NSD3: variants seen among roughly 807,000 people sequenced by gnomAD.
NSD3 encodes the protein nuclear receptor binding SET domain protein 3.
A neutral mutation model predicts 160.8 loss-of-function variants in NSD3; 24 were observed. The ratio of observed to expected loss-of-function variants is 0.15; its 90% CI spans 0.11 to 0.21. The LOEUF (loss-of-function observed/expected upper bound fraction) is 0.21. Ranked by LOEUF, NSD3 falls within the 10% of genes least tolerant of loss-of-function variation. NSD3 has a pLI of 1.00. For missense variants in NSD3, 1,157 were observed against 1,735.9 expected (o/e 0.67, Z 5.93); for synonymous variants, 520 against 600.0 (o/e 0.87, Z 1.95).
intron 12 of NSD3, among the ~76,000 whole-genome samples, chr8:38,309,032 G>A (rs1462741722): frequency 6.6e-6 from 1 of 151,860 alleles, no homozygotes; most frequent in Non-Finnish European, 1.5e-5. Flanking sequence ...TCAGTGGCTA[G>A]GCACAGTGAC....
At chr8:38,280,620 C>T (rs1808709948) in intron 20 of NSD3, among the ~76,000 whole-genome samples, 2 of 152,078 alleles carry the variant, frequency 1.3e-5, no homozygotes, top group South Asian at 4.1e-4. Flanking sequence ...AGCTTCTTGT[C>T]CTCTGTAAAT....
At position 38,325,594 on chromosome 8, in the gene NSD3, G is replaced by A. The variant is rs1809889050; in HGVS notation, c.1708+1136C>T. Among the ~76,000 whole-genome samples, 3 of 152,206 alleles carry A rather than the reference G, an allele frequency of 2.0e-5. No homozygotes were observed. The South Asian group carries it at 6.2e-4, about 31-fold the overall frequency. ...TAGTCTCAAAAAAATTATGTTGGCT[G>A]GGTGCAATGGCTCACGCCTATAATC... On this transcript the variant is annotated intron_variant, in intron 7 of 23. Transcript: ENST00000317025.
In NSD3 at chr8:38,355,137, G is replaced by A. The variant is rs533305566; in HGVS notation, c.-44-6922C>T. ...ACTGAGCACTGTGCTTGAGAGTGCA[G>A]GTTCAGAATCAAACTAAGTTCAAAA... On this transcript the variant is annotated intron_variant, in intron 1 of 23. Transcript: ENST00000317025. Among the ~76,000 whole-genome samples, 4 of 152,200 alleles carry A rather than the reference G, an allele frequency of 2.6e-5. 1 individual carries two copies. The South Asian group carries it at 8.3e-4, about 32-fold the overall frequency.
At chr8:38,344,346 A>G (rs1810460511) in intron 2 of NSD3, among the ~76,000 whole-genome samples, 1 of 152,180 alleles carries the variant, frequency 6.6e-6, no homozygotes, top group Non-Finnish European at 1.5e-5. Context: ...ATCTTGGCTC[A>G]CTGCAATCTC....
chr8:38,333,311 ATTTGTTAGCAC>A (rs1373939873), intron 4 of NSD3, among the ~76,000 whole-genome samples: 1 of 152,188 alleles, frequency 6.6e-6, no homozygotes, highest in East Asian at 1.9e-4. Context: ...CATTTTGCCT[ATTTGTTAGCAC>A]TTTGTTTCCT....
Position 38,271,405 on chromosome 8 carries a change from C to G in NSD3, c.*4236G>C, listed in dbSNP as rs138192992. ...TACCTGTGGTAAACATTATCCCCCC[C>G]CTTACCCTTTACCAGGAGAAAGGGG... On this transcript the variant is annotated 3_prime_UTR_variant, in exon 24 of 24. Coordinates refer to ENST00000317025, the MANE Select transcript of NSD3 (RefSeq NM_023034.2). 7 of 152,090 alleles carry G rather than the reference C, an allele frequency of 4.6e-5. No individual in the cohort carries two copies. Among genetic ancestry groups the G allele is most frequent in the African/African-American group, 9.7e-5 (4 of 41,420 alleles). The allele number at this position is 152,090 out of a possible 1,614,324, so 9.4% of individuals were successfully genotyped here. A position where few individuals can be genotyped will look rare whatever the true frequency, so the allele number is the denominator to read the frequency against.
chr8:38,377,856 C>T (rs1055904196), intron 1 of NSD3, among the ~76,000 whole-genome samples: 2 of 151,904 alleles, frequency 1.3e-5, no homozygotes, highest in African/African-American at 4.8e-5. Flanking sequence ...CCGCTTGAAC[C>T]GGGAGGTGAA....
rs774824848 is a variant in NSD3, at chr8:38,288,469, A to C, written c.3501+18T>G. The C allele has an allele frequency of 3.4e-5, 54 of 1,611,074 alleles. No individual in the cohort carries two copies. The South Asian group carries it at 5.7e-4, about 17-fold the overall frequency. ...CAGGTTCTGGTCTCTTCCACCCCCC[A>C]CCACCATCCCATGCTACCTTCTTAA... On this transcript the variant is annotated intron_variant, in intron 19 of 23. Transcript: ENST00000317025. The surrounding 1 kb of genome is among the most constrained non-coding windows in gnomAD (Gnocchi z 4.5).
chr8:38,334,215 A>G (rs1810148575), intron 4 of NSD3, among the ~76,000 whole-genome samples: 1 of 152,342 alleles, frequency 6.6e-6, no homozygotes, highest in South Asian at 2.1e-4. Context: ...GGAATAAAGC[A>G]CTGATACCAT....
At chr8:38,305,606 TTA>T (rs1439776591) in intron 12 of NSD3, among the ~76,000 whole-genome samples, 161 bp from the exon 13 acceptor site, 1 of 152,234 alleles carries the variant, frequency 6.6e-6, no homozygotes, top group Non-Finnish European at 1.5e-5. Flanking sequence ...TAAATTAAAA[TTA>T]TGTTTTAAAT....
rs751809411 is a variant in NSD3, at chr8:38,347,885, G to A, written c.287C>T (p.Ser96Leu). 3 of 1,614,120 alleles carry A rather than the reference G, an allele frequency of 1.9e-6. No individual in the cohort carries two copies. Among genetic ancestry groups the A allele is most frequent in the Non-Finnish European group, 2.5e-6 (3 of 1,180,054 alleles). Residue 96 changes from serine (S) to leucine (L), a missense_variant, in exon 2 of 24, where the codon TCA (serine) becomes TTA (leucine). Transcript: ENST00000317025. The stretch of plus-strand genomic sequence containing the variant: ...TCTAACTGCACCAAAGCCATTGGCT[G>A]ACCCATTAGGATACTGATTATATGA... ...YQSYNQYPNG[S>L]ANGFGAVRNF... is the part of the protein sequence containing the mutation.
intron 2 of NSD3, among the ~76,000 whole-genome samples, chr8:38,343,574 A>C (rs1232150465): frequency 3.3e-5 from 5 of 151,868 alleles, no homozygotes; most frequent in Non-Finnish European, 7.4e-5. Context: ...GTGGTGGCAC[A>C]CCCCTGTAAT....
chr8:38,381,113 A>G (rs1297509288), intron 1 of NSD3, among the ~76,000 whole-genome samples: 1 of 152,116 alleles, frequency 6.6e-6, no homozygotes, highest in Admixed American at 6.5e-5. Context: ...CTAACACTTT[A>G]ACGACCTCCA....
rs1252046782 is a variant in NSD3 at position 38,316,648 on chromosome 8, CAT to C, written c.1856-608_1856-607del. 1.7e-5 allele frequency: 18 copies of C among 1,053,462 alleles called. No homozygotes were observed. The highest frequency in any genetic ancestry group is 1.9e-5 in the Non-Finnish European group (17 of 871,958). The allele number at this position is 1,053,462 out of a possible 1,614,324, so 65.3% of individuals were successfully genotyped here. On this transcript the variant is annotated intron_variant, in intron 9 of 23. Coordinates refer to ENST00000317025, the MANE Select transcript of NSD3 (RefSeq NM_023034.2). This position sits in a 1 kb window ranked among gnomAD's most constrained non-coding sequence, Gnocchi z 4.5. ...ATTAACAAGCGCTGCAGCACATCTACATATGTCATGCCATTTAGAAGGCACAT... is the reference window on the plus strand; with the variant it reads ...ATTAACAAGCGCTGCAGCACATCTACATGTCATGCCATTTAGAAGGCACAT...
In NSD3 at chr8:38,318,936, T is replaced by A. The variant is rs550873977; in HGVS notation, c.1814A>T (p.Glu605Val). The A allele has an allele frequency of 2.4e-5, 39 of 1,610,404 alleles. No homozygotes were observed. The South Asian group carries it at 3.7e-4, about 15-fold the overall frequency. ...CTTCACTGTAGCCTGAGGAACTGTTTCAACCTGTTTGGACAGAAAAATACA... is the reference window on the plus strand; with the variant it reads ...CTTCACTGTAGCCTGAGGAACTGTTACAACCTGTTTGGACAGAAAAATACA... ...PKKKIKKEQVETVPQATVKTG... is the reference protein window; with the variant it reads ...PKKKIKKEQVVTVPQATVKTG... The change falls in exon 9 of 24, where the codon GAA (glutamate) becomes GTA (valine). Residue 605 changes from glutamate to valine, a missense_variant. Around this residue, in one of 10 missense-constraint regions of NSD3, gnomAD observed 102 missense variants for 126.5 expected, o/e 0.81. Coordinates refer to ENST00000317025, the MANE Select transcript of NSD3 (RefSeq NM_023034.2). This position sits in a 1 kb window ranked among gnomAD's most constrained non-coding sequence, Gnocchi z 5.3.
In NSD3 at chr8:38,316,974, A is replaced by T; in HGVS notation, c.1856-932T>A. The T allele has an allele frequency of 8.5e-6, 9 of 1,060,528 alleles. No individual in the cohort carries two copies. Among genetic ancestry groups the T allele is most frequent in the Non-Finnish European group, 1.0e-5 (9 of 876,204 alleles). 65.7% of individuals were successfully genotyped at this position (1,060,528 alleles called of 1,614,324 possible). A position where few individuals can be genotyped will look rare whatever the true frequency, so the allele number is the denominator to read the frequency against. Reference sequence around the variant, plus strand: ...ATACCAAGGAACCAAGGAGACGGTTAATATTTCAACCCACAGTTTGTGTTT... The same window carrying T: ...ATACCAAGGAACCAAGGAGACGGTTTATATTTCAACCCACAGTTTGTGTTT... On this transcript the variant is annotated intron_variant, in intron 9 of 23. Coordinates refer to ENST00000317025, the MANE Select transcript of NSD3 (RefSeq NM_023034.2). The surrounding 1 kb of genome is among the most constrained non-coding windows in gnomAD (Gnocchi z 4.5).
chr8:38,298,769 T>C (rs1319005519), intron 15 of NSD3, among the ~76,000 whole-genome samples: 2 of 152,232 alleles, frequency 1.3e-5, no homozygotes, highest in African/African-American at 4.8e-5. Context: ...TAAAGTTTTC[T>C]TCCATAGGTT....
At position 38,329,316 on chromosome 8, in the gene NSD3, T is replaced by C. The variant is rs1246796316; in HGVS notation, c.1581+62A>G. ...ATTATGCCAAGGTCATTGTTTTAAA[T>C]GCCAAGGTTGACCACTTTTAAAATA... On this transcript the variant is annotated intron_variant, in intron 6 of 23. Transcript: ENST00000317025. The surrounding 1 kb of genome is among the most constrained non-coding windows in gnomAD (Gnocchi z 4.8). The C allele has an allele frequency of 1.3e-6, 2 of 1,542,800 alleles. No individual in the cohort carries two copies. Among genetic ancestry groups the C allele is most frequent in the Non-Finnish European group, 1.8e-6 (2 of 1,140,502 alleles).
intron 16 of NSD3, among the ~76,000 whole-genome samples, chr8:38,293,147 A>AAAAAAAG: frequency 6.6e-6 from 1 of 151,580 alleles, no homozygotes; most frequent in Non-Finnish European, 1.5e-5. Context: ...AAAAAAAAAA[A>AAAAAAAG]AAAAAGAAAA....
Sources: allele counts gnomAD v4.1 joint callset (sites outside exome capture counted in the v4.1 genomes callset), GRCh38; gene constraint gnomAD v4.1.1; regional missense constraint gnomAD v4.1.1; non-coding constraint Gnocchi (gnomAD v3.1); transcripts MANE v1.5; gene names NCBI Gene and HGNC (gene_info 2026-07-23, HGNC 2026-07-21).